Variants in BAIAP2L1 observed in about 807,000 individuals in gnomAD.
BAIAP2L1 encodes the protein BAR/IMD domain containing adaptor protein 2 like 1.
Under a neutral mutation model 66.3 loss-of-function variants are expected in BAIAP2L1, and 35 were observed. That is an observed-to-expected ratio of 0.53 (90% confidence interval 0.40 to 0.70). The LOEUF (loss-of-function observed/expected upper bound fraction) is 0.70. Ranked by LOEUF, BAIAP2L1 falls within the 30% of genes least tolerant of loss-of-function variation. BAIAP2L1 has a pLI of 0.00. For synonymous variants in BAIAP2L1, 269 were observed against 248.7 expected (o/e 1.08, Z -0.77); for missense variants, 622 against 656.9 (o/e 0.95, Z 0.58).
rs1196069715 is a variant in BAIAP2L1 at position 98,292,184 on chromosome 7, A to AG, written c.*1336dup. Reference sequence around the variant, plus strand: ...TAACCTTTCCCAATCTCAGCCTCATAGGATACTACACTTATGGCAAGGCTA... The same window carrying AG: ...TAACCTTTCCCAATCTCAGCCTCATAGGGATACTACACTTATGGCAAGGCTA... On this transcript the variant is annotated 3_prime_UTR_variant, in exon 14 of 14. Coordinates refer to ENST00000005260, the MANE Select transcript of BAIAP2L1 (RefSeq NM_018842.5). The AG allele has an allele frequency of 6.2e-6, 1 of 161,008 alleles. No individual in the cohort carries two copies. The highest frequency in any genetic ancestry group is 1.4e-5 in the Non-Finnish European group (1 of 73,504). 10.0% of individuals were successfully genotyped at this position (161,008 alleles called of 1,614,324 possible). A position where few individuals can be genotyped will look rare whatever the true frequency, so the allele number is the denominator to read the frequency against.
chr7:98,396,298 G>T (rs1242855831), intron 1 of BAIAP2L1, among the ~76,000 whole-genome samples: 2 of 151,976 alleles, frequency 1.3e-5, no homozygotes, highest in African/African-American at 4.8e-5. Context: ...CGAACTCCTG[G>T]GCTCAAGCAA....
intron 3 of BAIAP2L1, among the ~76,000 whole-genome samples, chr7:98,341,385 C>CA (rs34547845): frequency 0.4 from 61,364 of 151,668 alleles, 13,358 homozygotes; most frequent in Middle Eastern, 0.55. Context: ...TAAAGTAAAG[C>CA]CGTTAGAAAA....
chr7:98,374,709 C>T (rs1380045958), intron 1 of BAIAP2L1, among the ~76,000 whole-genome samples: 2 of 151,726 alleles, frequency 1.3e-5, no homozygotes, highest in East Asian at 1.9e-4. Flanking sequence ...AGCATAATGT[C>T]GAGCAATTCT....
At chr7:98,340,204 G>A (rs905960391) in intron 3 of BAIAP2L1, among the ~76,000 whole-genome samples, 4 of 152,202 alleles carry the variant, frequency 2.6e-5, no homozygotes, top group African/African-American at 9.7e-5. Flanking sequence ...TTGACACTTA[G>A]GATGTGCCCA....
rs534483096 is a variant in BAIAP2L1, at chr7:98,327,448, C to T, written c.215-7150G>A. Among the ~76,000 whole-genome samples, 19 of 152,070 alleles carry T rather than the reference C, an allele frequency of 1.2e-4. No individual in the cohort carries two copies. In the South Asian group the frequency reaches 1.7e-3, roughly 13 times the overall value. ...CAGCACTTTTGGAGGCCAAGGCAGG[C>T]GGATCACCTGAAGTAAGGTGTTTGA... On this transcript the variant is annotated intron_variant, in intron 3 of 13. Coordinates refer to ENST00000005260, the MANE Select transcript of BAIAP2L1 (RefSeq NM_018842.5).
Position 98,292,897 on chromosome 7 carries a change from G to A in BAIAP2L1, c.*624C>T, listed in dbSNP as rs1305357955. ...CGGAGGAGATTTCGTCGAGTGCTAC[G>A]TGTGGCTGTGATAAGGGCAGGCAAA... On this transcript the variant is annotated 3_prime_UTR_variant, in exon 14 of 14. Coordinates refer to ENST00000005260, the MANE Select transcript of BAIAP2L1 (RefSeq NM_018842.5). 7 of 1,422,418 alleles carry A rather than the reference G, an allele frequency of 4.9e-6. No individual in the cohort carries two copies. The highest frequency in any genetic ancestry group is 2.5e-4 in the Middle Eastern group (1 of 3,922). 88.1% of individuals were successfully genotyped at this position (1,422,418 alleles called of 1,614,324 possible).
At chr7:98,311,954 A>C in intron 8 of BAIAP2L1, 143 bp downstream of exon 8, 2 of 791,038 alleles carry the variant, frequency 2.5e-6, no homozygotes, top group Non-Finnish European at 2.0e-6. Flanking sequence ...CTTCGCCCCT[A>C]AAGGTAAGGG....
chr7:98,382,905 G>T (rs554539190), intron 1 of BAIAP2L1, among the ~76,000 whole-genome samples: 8 of 152,106 alleles, frequency 5.3e-5, no homozygotes. Flanking sequence ...CGTTTGCTTT[G>T]TTCTTAGAGG....
At chr7:98,361,109 C>T (rs557759137) in intron 2 of BAIAP2L1, among the ~76,000 whole-genome samples, 1 of 152,206 alleles carries the variant, frequency 6.6e-6, no homozygotes, top group South Asian at 2.1e-4. Flanking sequence ...ATAATCCTAG[C>T]ACTTTGGGAG....
intron 1 of BAIAP2L1, among the ~76,000 whole-genome samples, chr7:98,397,934 G>A (rs974531104): frequency 2.0e-5 from 3 of 152,056 alleles, no homozygotes; most frequent in African/African-American, 4.8e-5. Flanking sequence ...ATTTGCCTAC[G>A]TATACATTTT....
chr7:98,303,724 G>A (rs1166396250), intron 12 of BAIAP2L1, among the ~76,000 whole-genome samples: 1 of 152,118 alleles, frequency 6.6e-6, no homozygotes, highest in Admixed American at 6.5e-5. Flanking sequence ...CAGGGTTATC[G>A]TTAACCCTAA....
At chr7:98,395,106 G>A (rs571733024) in intron 1 of BAIAP2L1, among the ~76,000 whole-genome samples, 3 of 150,680 alleles carry the variant, frequency 2.0e-5, no homozygotes, top group South Asian at 2.1e-4. Flanking sequence ...GCAAGACTCC[G>A]TCTCAAAAAA....
At chr7:98,352,575 G>T (rs1411097534) in intron 3 of BAIAP2L1, among the ~76,000 whole-genome samples, 4 of 152,150 alleles carry the variant, frequency 2.6e-5, no homozygotes, top group Non-Finnish European at 4.4e-5. Flanking sequence ...CCTGGAGGCA[G>T]AGGCTGCAGG....
intron 1 of BAIAP2L1, among the ~76,000 whole-genome samples, chr7:98,387,203 G>A (rs1025306422): frequency 9.2e-5 from 14 of 152,142 alleles, no homozygotes; most frequent in Admixed American, 6.6e-4. Flanking sequence ...AGGTCCAGGC[G>A]GAGGAGAGGG....
At chr7:98,382,137 T>C (rs1043017065) in intron 1 of BAIAP2L1, among the ~76,000 whole-genome samples, 12 of 151,964 alleles carry the variant, frequency 7.9e-5, no homozygotes, top group African/African-American at 2.9e-4. Context: ...TTAGTCAGGA[T>C]GGTCTCGATC....
chr7:98,342,041 A>ATTTTTTTTTT (rs142061599), intron 3 of BAIAP2L1, among the ~76,000 whole-genome samples: 1 of 95,064 alleles, frequency 1.1e-5, no homozygotes, highest in Non-Finnish European at 2.0e-5. Context: ...TTTTTTTCTG[A>ATTTTTTTTTT]TTTTTTTTTT....
intron 1 of BAIAP2L1, 120 bp downstream of exon 1, chr7:98,400,681 AG>A (rs1803347686): frequency 6.4e-6 from 7 of 1,094,860 alleles, no homozygotes; most frequent in Non-Finnish European, 6.6e-6. Flanking sequence ...AGACCGGGAG[AG>A]GTGGAAGGAC....
chr7:98,366,318 G>A (rs1164083759), intron 1 of BAIAP2L1, among the ~76,000 whole-genome samples: 1 of 152,132 alleles, frequency 6.6e-6, no homozygotes, highest in East Asian at 1.9e-4. Flanking sequence ...CTCTGCCAGA[G>A]GGAGCTGCTG....
At chr7:98,394,183 C>A (rs935799811) in intron 1 of BAIAP2L1, among the ~76,000 whole-genome samples, 2 of 152,106 alleles carry the variant, frequency 1.3e-5, no homozygotes, top group Non-Finnish European at 2.9e-5. Flanking sequence ...GCGGAGCTTG[C>A]AGTGAGCAGA....
Sources: allele counts gnomAD v4.1 joint callset (sites outside exome capture counted in the v4.1 genomes callset), GRCh38; gene constraint gnomAD v4.1.1; transcripts MANE v1.5; gene names NCBI Gene and HGNC (gene_info 2026-07-23, HGNC 2026-07-21).